The following DEPDC5 variants were observed in gnomAD, a reference collection of about 807,000 sequenced individuals.
The protein encoded by DEPDC5 is DEP domain containing 5, GATOR1 subcomplex subunit.
DEPDC5 carries 73 observed loss-of-function variants against 217.3 expected under a neutral mutation model. The observed-to-expected ratio is 0.34, with a 90% CI of 0.28 to 0.41. DEPDC5 has a LOEUF of 0.41. DEPDC5 is among the 10% of genes least tolerant of loss of function. The pLI, the probability that DEPDC5 is intolerant of heterozygous loss-of-function variation, is 1.00. For missense variants in DEPDC5, 1,675 were observed against 2,070.1 expected (o/e 0.81, Z 3.70); for synonymous variants, 733 against 756.7 (o/e 0.97, Z 0.51).
intron 24 of DEPDC5, chr22:31,826,454 C>T (rs2090151594): frequency 4.6e-6 from 2 of 430,308 alleles, no homozygotes; most frequent in Non-Finnish European, 9.3e-6. Context: ...CTCAAAAGAA[C>T]TGTGTCCTCG....
At chr22:31,759,303 G>A (rs539882904) in intron 3 of DEPDC5, among the ~76,000 whole-genome samples, 18 of 151,892 alleles carry the variant, frequency 1.2e-4, no homozygotes, top group Non-Finnish European at 2.4e-4. Flanking sequence ...CATCCATCCT[G>A]CTAGGCCTCC....
At chr22:31,873,186 TC>T in intron 34 of DEPDC5, 68 bp from the exon 35 acceptor site, 2 of 1,611,836 alleles carry the variant, frequency 1.2e-6, no homozygotes, top group Non-Finnish European at 1.7e-6. Context: ...TGGAGACTGT[TC>T]CTAATATTCG....
chr22:31,904,442 A>G (rs1327200236), intron 41 of DEPDC5, among the ~76,000 whole-genome samples: 1 of 152,248 alleles, frequency 6.6e-6, no homozygotes, highest in Non-Finnish European at 1.5e-5. Flanking sequence ...AGCCTTAATT[A>G]GAAAGTAGAG....
chr22:31,864,956 G>A (rs1299778340), intron 33 of DEPDC5, among the ~76,000 whole-genome samples: 3 of 141,470 alleles, frequency 2.1e-5, no homozygotes, highest in Non-Finnish European at 4.4e-5. Context: ...CTCCCAAAGT[G>A]CTGGGATTAC....
chr22:31,836,955 CCT>C lies in DEPDC5; in HGVS notation c.2171-16_2171-15del, dbSNP rs1491399062. On this transcript the variant is annotated splice_polypyrimidine_tract_variant and intron_variant, in intron 25 of 42. Coordinates refer to ENST00000651528, the MANE Select transcript of DEPDC5 (RefSeq NM_001242896.3). ...ATGGTGACCACATGTACCTTTTCCC[CCT>C]GTTACGTGAGGCAGTTCTGACACTG... The C allele has an allele frequency of 1.6e-5, 25 of 1,611,428 alleles. No individual in the cohort carries two copies. The highest frequency in any genetic ancestry group is 1.2e-4 in the Admixed American group (7 of 59,804).
At chr22:31,856,396 C>T (rs538196184) in intron 31 of DEPDC5, among the ~76,000 whole-genome samples, 8 of 152,118 alleles carry the variant, frequency 5.3e-5, no homozygotes, top group African/African-American at 1.9e-4. Flanking sequence ...CTCGCACTGT[C>T]CATCACAAGA....
At chr22:31,844,903 C>G (rs1043786603) in intron 29 of DEPDC5, 115 bp from the exon 30 acceptor site, 5 of 1,035,032 alleles carry the variant, frequency 4.8e-6, no homozygotes, top group African/African-American at 1.6e-5. Flanking sequence ...ATCAAATGAG[C>G]ACATACTCAT....
intron 16 of DEPDC5, among the ~76,000 whole-genome samples, chr22:31,804,573 A>G (rs903364930): frequency 3.3e-5 from 5 of 152,002 alleles, no homozygotes; most frequent in Non-Finnish European, 5.9e-5. Context: ...CCGAGTAGCT[A>G]TGATTACAGG....
At chr22:31,846,765 C>T in intron 30 of DEPDC5, 69 bp from the exon 31 acceptor site, 1 of 1,608,982 alleles carries the variant, frequency 6.2e-7, no homozygotes, top group Non-Finnish European at 8.5e-7. Flanking sequence ...GCAGCATGCC[C>T]TGGGGCATGA....
chr22:31,802,925 T>C, intron 15 of DEPDC5, 87 bp downstream of exon 15: 1 of 1,444,750 alleles, frequency 6.9e-7, no homozygotes, highest in Middle Eastern at 1.8e-4. Context: ...CTTCTTAGAG[T>C]GTGAGGAGCT....
intron 2 of DEPDC5, among the ~76,000 whole-genome samples, chr22:31,756,870 G>A (rs775949555): frequency 1.6e-4 from 24 of 151,596 alleles, no homozygotes; most frequent in Non-Finnish European, 2.5e-4. Context: ...GCAGTGAGCC[G>A]AGATCATGCC....
intron 14 of DEPDC5, among the ~76,000 whole-genome samples, chr22:31,800,969 C>CT (rs1263126439): frequency 1.0e-4 from 15 of 149,800 alleles, no homozygotes; most frequent in African/African-American, 3.7e-4. Flanking sequence ...GAAAAAGACA[C>CT]TATCTCAAAA....
chr22:31,895,209 T>C (rs1005816577), intron 39 of DEPDC5, among the ~76,000 whole-genome samples: 2 of 150,812 alleles, frequency 1.3e-5, no homozygotes, highest in Non-Finnish European at 2.9e-5. Context: ...TACTGGTGTC[T>C]AGTGGGTAGA....
chr22:31,822,807 G>C lies in DEPDC5; in HGVS notation c.2104+17G>C, dbSNP rs748724149. 1 of 1,611,852 alleles carries C rather than the reference G, an allele frequency of 6.2e-7. No individual in the cohort carries two copies. Among genetic ancestry groups the C allele is most frequent in the East Asian group, 2.2e-5 (1 of 44,854 alleles). ...GTGGTGCAGGTAACCAATCCAAGAG[G>C]TAATAGAGTTGGGATGTTTAGATCA... On this transcript the variant is annotated intron_variant, in intron 24 of 42. Transcript: ENST00000651528.
In DEPDC5 at chr22:31,768,852, T is replaced by A. The variant is rs775219058; in HGVS notation, c.402T>A (p.Phe134Leu). 9.9e-6 allele frequency: 16 copies of A among 1,613,944 alleles called. No individual in the cohort carries two copies. Among genetic ancestry groups the A allele is most frequent in the Middle Eastern group, 1.7e-4 (1 of 6,058 alleles). ...CCTATATCACCCAGAAGGTGGAGTT[T>A]GCTGGCATCAGGTAGATATTACATC... ...TCAYITQKVEFAGIRAQAGEL... is the reference protein window; with the variant it reads ...TCAYITQKVELAGIRAQAGEL... Residue 134 changes from phenylalanine to leucine, a missense_variant, in exon 7 of 43, where the codon TTT becomes TTA. Physicochemically the swap from Phe to Leu is conservative, Grantham distance 22. This residue lies in a region of DEPDC5 where 628 missense variants were observed against 762.1 expected (regional missense o/e 0.82). Coordinates refer to ENST00000651528, the MANE Select transcript of DEPDC5 (RefSeq NM_001242896.3).
At chr22:31,851,700 C>CTAGA (rs1371937397) in intron 31 of DEPDC5, among the ~76,000 whole-genome samples, 1 of 152,180 alleles carries the variant, frequency 6.6e-6, no homozygotes, top group African/African-American at 2.4e-5. Flanking sequence ...TTAGGGGAGG[C>CTAGA]TAGACCTTGA....
intron 2 of DEPDC5, among the ~76,000 whole-genome samples, chr22:31,757,705 C>T (rs1220810858): frequency 2.0e-5 from 3 of 152,190 alleles, no homozygotes; most frequent in African/African-American, 7.2e-5. Flanking sequence ...TGATAGAGTT[C>T]TCCCCATCCC....
At chr22:31,775,143 C>T (rs1463215539) in intron 7 of DEPDC5, among the ~76,000 whole-genome samples, 1 of 151,876 alleles carries the variant, frequency 6.6e-6, no homozygotes, top group Non-Finnish European at 1.5e-5. Flanking sequence ...ACTCATGGTA[C>T]ACAGCATTTT....
chr22:31,861,959 C>T (rs1329740668), intron 33 of DEPDC5, among the ~76,000 whole-genome samples: 1 of 152,226 alleles, frequency 6.6e-6, no homozygotes, highest in Admixed American at 6.5e-5. Context: ...TTTGGATGAG[C>T]CGGGTGCGGT....
Sources: gnomAD v4.1 joint callset for allele counts (sites outside exome capture counted in the v4.1 genomes callset) on GRCh38, gnomAD v4.1.1 for gene constraint, gnomAD v4.1.1 regional missense constraint, MANE v1.5 for transcripts, NCBI Gene and HGNC (gene_info 2026-07-23, HGNC 2026-07-21) for gene names.